Variants in TLK1 observed in about 807,000 individuals in gnomAD.
The protein encoded by TLK1 is tousled like kinase 1.
TLK1 carries 24 observed loss-of-function variants against 105.3 expected under a neutral mutation model. The ratio of observed to expected loss-of-function variants is 0.23; its 90% CI spans 0.17 to 0.32. The LOEUF is 0.32. Ranked by LOEUF, TLK1 falls within the 10% of genes least tolerant of loss-of-function variation. The probability of loss-of-function intolerance (pLI) is 1.00; values close to 1 mark genes in which losing one functional copy is unlikely to be tolerated. For missense variants in TLK1, 558 were observed against 910.5 expected (o/e 0.61, Z 4.98); for synonymous variants, 321 against 310.4 (o/e 1.03, Z -0.36).
chr2:171,067,620 T>A (rs1033198432), intron 3 of TLK1, among the ~76,000 whole-genome samples: 4 of 152,214 alleles, frequency 2.6e-5, no homozygotes, highest in South Asian at 2.1e-4. Context: ...CAACTTTTTT[T>A]TTATTATTAT....
chr2:171,011,049 T>TTA (rs1684892342), intron 14 of TLK1, among the ~76,000 whole-genome samples: 1 of 152,162 alleles, frequency 6.6e-6, no homozygotes, highest in South Asian at 2.1e-4. Context: ...CTGTCACCCA[T>TTA]ACTAGAGTGC....
At chr2:171,161,891 A>G (rs1167678382), upstream of TLK1, among the ~76,000 whole-genome samples, 1 of 152,182 alleles carries the variant, frequency 6.6e-6, no homozygotes, top group African/African-American at 2.4e-5. Flanking sequence ...GAAAAGTACA[A>G]CAAGGTTATT....
At chr2:171,021,642 G>A (rs1270057895) in intron 12 of TLK1, among the ~76,000 whole-genome samples, 1 of 152,076 alleles carries the variant, frequency 6.6e-6, no homozygotes, top group Non-Finnish European at 1.5e-5. Context: ...TGATTGGGAA[G>A]GGCTGGTAGC....
chr2:171,000,675 G>C (rs1333555138), intron 18 of TLK1, among the ~76,000 whole-genome samples: 1 of 152,050 alleles, frequency 6.6e-6, no homozygotes, highest in Non-Finnish European at 1.5e-5. Flanking sequence ...GAGATGAAAG[G>C]GGAGGCAGAC....
rs116063054 is a variant in TLK1, at chr2:171,217,026, A to G, written c.-6+14119T>C. On this transcript the variant is annotated intron_variant, in intron 1 of 20. Coordinates refer to the TLK1 transcript ENST00000521943. ...TGTAGCACTTTTTTACGGCAGCCCTAGGAAACTGATACCAAACTGATGCAT... is the reference window on the plus strand; with the variant it reads ...TGTAGCACTTTTTTACGGCAGCCCTGGGAAACTGATACCAAACTGATGCAT... 6.1e-3 allele frequency among the ~76,000 whole-genome samples: 924 copies of G among 152,302 alleles called. 6 individuals are homozygous for G. Among genetic ancestry groups the G allele is most frequent in the African/African-American group, 0.021 (882 of 41,566 alleles).
At chr2:170,997,964 T>A in intron 18 of TLK1, 141 bp from the exon 19 acceptor site, 1 of 497,932 alleles carries the variant, frequency 2.0e-6, no homozygotes, top group Non-Finnish European at 3.6e-6. Context: ...CAACTGAACT[T>A]CTGGAGCATT....
Position 170,993,672 on chromosome 2 carries a change from A to T in TLK1, c.*108T>A, listed in dbSNP as rs1336535284. The T allele has an allele frequency of 4.4e-5, 16 of 361,692 alleles. No individual in the cohort carries two copies. Among genetic ancestry groups the T allele is most frequent in the South Asian group, 3.2e-4 (6 of 18,544 alleles). 22.4% of individuals were successfully genotyped at this position (361,692 alleles called of 1,614,324 possible). Reference sequence around the variant, plus strand: ...AGTTCTTAACCACGTCTTGTGTAAAAAAAAAAAAAAAAAAAAAAGAAAAAG... The same window carrying T: ...AGTTCTTAACCACGTCTTGTGTAAATAAAAAAAAAAAAAAAAAAGAAAAAG... On this transcript the variant is annotated 3_prime_UTR_variant, in exon 21 of 21. Coordinates refer to ENST00000431350, the MANE Select transcript of TLK1 (RefSeq NM_012290.5).
chr2:171,044,685 T>C (rs1172476881), intron 11 of TLK1, among the ~76,000 whole-genome samples: 2 of 152,170 alleles, frequency 1.3e-5, no homozygotes, highest in Non-Finnish European at 2.9e-5. Context: ...GCCTAGGACA[T>C]ATCCCTAAAA....
At chr2:171,186,586 A>G (rs1468897436) in intron 1 of TLK1, among the ~76,000 whole-genome samples, 1 of 152,138 alleles carries the variant, frequency 6.6e-6, no homozygotes, top group East Asian at 1.9e-4. Flanking sequence ...TCCATTTCCC[A>G]TTGGCTAGGA....
chr2:171,223,239 G>T (rs555306829), intron 1 of TLK1, among the ~76,000 whole-genome samples: 104 of 152,262 alleles, frequency 6.8e-4, no homozygotes, highest in Non-Finnish European at 1.3e-3. Flanking sequence ...TTGCCATAGT[G>T]ATTGTACTAA....
intron 1 of TLK1, among the ~76,000 whole-genome samples, chr2:171,200,811 T>C (rs2105319819): frequency 1.3e-5 from 2 of 152,298 alleles, no homozygotes; most frequent in South Asian, 4.1e-4. Context: ...GTTTGTATTA[T>C]TTTTATTAAT....
chr2:171,151,631 C>G (rs1212830758), intron 1 of TLK1, among the ~76,000 whole-genome samples: 1 of 151,782 alleles, frequency 6.6e-6, no homozygotes, highest in African/African-American at 2.4e-5. Context: ...CCCACCACCA[C>G]GCCCAGCTAA....
intron 2 of TLK1, 39 bp from the exon 3 acceptor site, chr2:171,082,891 T>C (rs1389910654): frequency 4.9e-6 from 7 of 1,427,368 alleles, no homozygotes; most frequent in Non-Finnish European, 6.8e-6. Flanking sequence ...TTAGGAGTAA[T>C]TTTTTTAAAG....
At chr2:171,098,072 G>C (rs1350166213) in intron 2 of TLK1, among the ~76,000 whole-genome samples, 2 of 152,146 alleles carry the variant, frequency 1.3e-5, no homozygotes, top group Non-Finnish European at 2.9e-5. Flanking sequence ...CAATGAAGCA[G>C]AGAGTACAAC....
intron 2 of TLK1, among the ~76,000 whole-genome samples, chr2:171,096,867 T>C (rs1460566237): frequency 6.6e-6 from 1 of 152,160 alleles, no homozygotes; most frequent in African/African-American, 2.4e-5. Flanking sequence ...CCTGTTTTCA[T>C]GAATTGAAAG....
upstream of TLK1, among the ~76,000 whole-genome samples, chr2:171,164,964 A>T (rs1466477332): frequency 6.6e-6 from 1 of 152,218 alleles, no homozygotes; most frequent in Non-Finnish European, 1.5e-5. Flanking sequence ...CTATCTAAAA[A>T]AAAGAAAAAG....
At chr2:171,121,358 C>A (rs112221350) in intron 1 of TLK1, among the ~76,000 whole-genome samples, 6 of 152,182 alleles carry the variant, frequency 3.9e-5, no homozygotes, top group African/African-American at 1.4e-4. Flanking sequence ...GTGGCAAAAC[C>A]CTGTCTCTAC....
At chr2:171,001,771 TTTTC>T (rs1407793871) in intron 18 of TLK1, among the ~76,000 whole-genome samples, 2 of 152,162 alleles carry the variant, frequency 1.3e-5, no homozygotes, top group African/African-American at 4.8e-5. Flanking sequence ...TATTTTTTCT[TTTTC>T]ATTCATTCAT....
chr2:171,093,920 G>GA (rs140404715), intron 2 of TLK1, among the ~76,000 whole-genome samples: 17,203 of 152,054 alleles, frequency 0.11, 1,530 homozygotes, highest in African/African-American at 0.24. Flanking sequence ...AGGAGTAAGA[G>GA]AAGGGAACAC....
Sources: allele counts gnomAD v4.1 joint callset (sites outside exome capture counted in the v4.1 genomes callset), GRCh38; gene constraint gnomAD v4.1.1; transcripts MANE v1.5; gene names NCBI Gene and HGNC (gene_info 2026-07-23, HGNC 2026-07-21).